CDK5: variants seen among roughly 807,000 people sequenced by gnomAD.
CDK5 encodes the protein cyclin-dependent kinase 5.
In CDK5, 18 loss-of-function variants were observed where a neutral mutation model predicts 44.6. The observed-to-expected ratio is 0.40, with a 90% confidence interval of 0.28 to 0.60. The LOEUF (loss-of-function observed/expected upper bound fraction) is 0.60. Ranked by LOEUF, CDK5 falls within the 20% of genes least tolerant of loss-of-function variation. CDK5 has a pLI of 0.38. For synonymous variants in CDK5, 143 were observed against 152.8 expected, an observed-to-expected ratio of 0.94 and a Z score of 0.47; for missense variants, 198 against 368.1, an observed-to-expected ratio of 0.54 and a Z score of 3.78.
rs190447046 is a variant in CDK5, at chr7:151,056,422, A to G, written c.312+158T>C. 1.5e-6 allele frequency: 1 copy of G among 648,612 alleles called. No individual in the cohort carries two copies. The highest frequency in any genetic ancestry group is 2.7e-6 in the Non-Finnish European group (1 of 365,666). 40.2% of individuals were successfully genotyped at this position (648,612 alleles called of 1,614,324 possible). On this transcript the variant is annotated intron_variant, in intron 5 of 11. Coordinates refer to ENST00000485972, the MANE Select transcript of CDK5 (RefSeq NM_004935.4). The surrounding 1 kb of genome is among the most constrained non-coding windows in gnomAD (Gnocchi z 4.7). ...GATGACCACGTGAAAATGCTCACTA[A>G]GACTGGAGACCCCTGGAGGACAGAA...
intron 5 of CDK5, 56 bp from the exon 6 acceptor site, chr7:151,055,904 G>A: frequency 1.6e-6 from 2 of 1,217,886 alleles, no homozygotes; most frequent in South Asian, 1.3e-5. Context: ...ACTGTGCCCA[G>A]CAACGGGTCG....
rs372279072 is a variant in CDK5 at position 151,055,384 on chromosome 7, C to A, written c.484-11G>T. 3.2e-6 allele frequency: 5 copies of A among 1,575,014 alleles called. No individual in the cohort carries two copies. The highest frequency in any genetic ancestry group is 1.4e-5 in the African/African-American group (1 of 72,076). ...CCACAGTGTGACCACCTGGAGGAGA[C>A]CCCCCCCGAAAGGGACCTCCCACTT... is the stretch of plus-strand genomic sequence containing the variant. On this transcript the variant is annotated splice_polypyrimidine_tract_variant and intron_variant, in intron 7 of 11. Transcript: ENST00000485972.
In CDK5 at chr7:151,054,328, G is replaced by T; in HGVS notation, c.712-36C>A. 1 of 1,612,500 alleles carries T rather than the reference G, an allele frequency of 6.2e-7. No individual in the cohort carries two copies. Among genetic ancestry groups the T allele is most frequent in the East Asian group, 2.2e-5 (1 of 44,844 alleles). On this transcript the variant is annotated intron_variant, in intron 10 of 11. Transcript: ENST00000485972. This position sits in a 1 kb window ranked among gnomAD's most constrained non-coding sequence, Gnocchi z 5.7. ...GCAGGGAGGGTCAGACTAGAGGTAG[G>T]GGGAGGGGGATGGAGGCGCTAGGAA... is the stretch of plus-strand genomic sequence containing the variant.
Position 151,054,678 on chromosome 7 carries a change from C to T in CDK5, c.651-213G>A, listed in dbSNP as rs1381661985. ...TTTCCCATGACAATCACCTAACCCA[C>T]ATGCTGCTGTCCTAGTCCTAATGAA... is the stretch of plus-strand genomic sequence containing the variant. On this transcript the variant is annotated intron_variant, in intron 9 of 11. Coordinates refer to ENST00000485972, the MANE Select transcript of CDK5 (RefSeq NM_004935.4). This position sits in a 1 kb window ranked among gnomAD's most constrained non-coding sequence, Gnocchi z 5.7. Among the ~76,000 whole-genome samples the T allele has an allele frequency of 2.0e-5, 3 of 152,204 alleles. No individual in the cohort carries two copies. The highest frequency in any genetic ancestry group is 2.9e-5 in the Non-Finnish European group (2 of 68,022).
In CDK5 at chr7:151,057,388, G is replaced by GGCTT. The variant is rs1796921871; in HGVS notation, c.38-229_38-228insAAGC. 5 of 603,330 alleles carry GGCTT rather than the reference G, an allele frequency of 8.3e-6. No individual in the cohort carries two copies. In the South Asian group the frequency reaches 9.7e-5, roughly 12 times the overall value. 37.4% of individuals were successfully genotyped at this position (603,330 alleles called of 1,614,324 possible). Reference sequence around the variant, plus strand: ...CAGGAGGGGCGAGTGCGGTTGCCAGGGCAAGGATGTCTAAAATGAAGGCGG... The same window carrying GGCTT: ...CAGGAGGGGCGAGTGCGGTTGCCAGGGCTTGCAAGGATGTCTAAAATGAAGGCGG... On this transcript the variant is annotated intron_variant, in intron 1 of 11. Coordinates refer to ENST00000485972, the MANE Select transcript of CDK5 (RefSeq NM_004935.4). The surrounding 1 kb of genome is among the most constrained non-coding windows in gnomAD (Gnocchi z 5.2).
chr7:151,054,323 G>A lies in CDK5; in HGVS notation c.712-31C>T, dbSNP rs1286906207. 1.9e-6 allele frequency: 3 copies of A among 1,612,812 alleles called. No individual in the cohort carries two copies. Among genetic ancestry groups the A allele is most frequent in the Admixed American group, 3.3e-5 (2 of 59,950 alleles). On this transcript the variant is annotated intron_variant, in intron 10 of 11. Transcript: ENST00000485972. The surrounding 1 kb of genome is among the most constrained non-coding windows in gnomAD (Gnocchi z 5.7). ...GAGAGGCAGGGAGGGTCAGACTAGA[G>A]GTAGGGGGAGGGGGATGGAGGCGCT...
In CDK5 at chr7:151,054,925, C is replaced by T. The variant is rs1401924393; in HGVS notation, c.650+102G>A. 2 of 1,171,446 alleles carry T rather than the reference C, an allele frequency of 1.7e-6. No homozygotes were observed. The highest frequency in any genetic ancestry group is 3.0e-5 in the African/African-American group (2 of 66,232). The allele number at this position is 1,171,446 out of a possible 1,614,324, so 72.6% of individuals were successfully genotyped here. A position where few individuals can be genotyped will look rare whatever the true frequency, so the allele number is the denominator to read the frequency against. ...GCCCTCAGGAGAAGCCCTACAGACC[C>T]CATCACCCTACCCCACACCATCACT... On this transcript the variant is annotated intron_variant, in intron 9 of 11. Coordinates refer to ENST00000485972, the MANE Select transcript of CDK5 (RefSeq NM_004935.4). This position sits in a 1 kb window ranked among gnomAD's most constrained non-coding sequence, Gnocchi z 5.7.
chr7:151,056,622 A>G lies in CDK5; in HGVS notation c.270T>C (p.Tyr90=), dbSNP rs1355247623. The change falls in exon 5 of 12, where the codon TAT becomes TAC. Residue 90 remains tyrosine, a synonymous_variant. Transcript: ENST00000485972. The surrounding 1 kb of genome is among the most constrained non-coding windows in gnomAD (Gnocchi z 4.7). ...CGAGGTCACCATTGCAACTGTCAAA[A>G]TACTTCTTCAGGTCCTGAAAAGGGA... ...FEFCDQDLKK[Y]FDSCNGDLDP... 10 of 1,612,248 alleles carry G rather than the reference A, an allele frequency of 6.2e-6. No individual in the cohort carries two copies. The highest frequency in any genetic ancestry group is 5.0e-5 in the Admixed American group (3 of 59,784).
rs1200889930 is a variant in CDK5, at chr7:151,055,478, G to A, written c.483+54C>T. Reference sequence around the variant, plus strand: ...AGGAAAATAATGTTTTGGGTCCTGGGGTTGGAGCTGAGGGACTCCCTCCCC... The same window carrying A: ...AGGAAAATAATGTTTTGGGTCCTGGAGTTGGAGCTGAGGGACTCCCTCCCC... On this transcript the variant is annotated intron_variant, in intron 7 of 11. Coordinates refer to ENST00000485972, the MANE Select transcript of CDK5 (RefSeq NM_004935.4). 3 of 1,575,990 alleles carry A rather than the reference G, an allele frequency of 1.9e-6. No homozygotes were observed. In the African/African-American group the frequency reaches 4.0e-5, roughly 21 times the overall value.
Position 151,054,509 on chromosome 7 carries a change from C to T in CDK5, c.651-44G>A. On this transcript the variant is annotated intron_variant, in intron 9 of 11. Transcript: ENST00000485972. This position sits in a 1 kb window ranked among gnomAD's most constrained non-coding sequence, Gnocchi z 5.7. ...ATCACTTGGGAAAGGGCCACAGCTG[C>T]ATCTTCAGGGGCAGGGTGAGGGCCT... 1 of 1,563,442 alleles carries T rather than the reference C, an allele frequency of 6.4e-7. No individual in the cohort carries two copies.
In CDK5 at chr7:151,055,052, C is replaced by A. The variant is rs1345202521; in HGVS notation, c.625G>T (p.Asp209Tyr). ...GRPLFPGNDV[D>Y]DQLKRIFRLL... ...CGGAAGATCCTCTTCAACTGGTCAT[C>A]GACATCATTGCCGGGAAAAAGAGGC... The change falls in exon 9 of 12, where the codon GAT (aspartate) becomes TAT (tyrosine). Residue 209 changes from aspartate to tyrosine, a missense_variant. By Grantham distance (160) the Asp-to-Tyr change is radical. Transcript: ENST00000485972. The A allele has an allele frequency of 6.2e-7, 1 of 1,613,694 alleles. No homozygotes were observed. Among genetic ancestry groups the A allele is most frequent in the Non-Finnish European group, 8.5e-7 (1 of 1,179,838 alleles).
At position 151,057,748 on chromosome 7, in the gene CDK5, G is replaced by T. The variant is rs1796929630; in HGVS notation, c.37+64C>A. 1.3e-6 allele frequency: 2 copies of T among 1,542,274 alleles called. No individual in the cohort carries two copies. The highest frequency in any genetic ancestry group is 1.8e-6 in the Non-Finnish European group (2 of 1,128,038). Reference sequence around the variant, plus strand: ...CATTGCTGACGGTAAGGGAGCCAGGGCTTCAAGGAATGCCGAAGGATCTGC... The same window carrying T: ...CATTGCTGACGGTAAGGGAGCCAGGTCTTCAAGGAATGCCGAAGGATCTGC... On this transcript the variant is annotated intron_variant, in intron 1 of 11. Transcript: ENST00000485972. This position sits in a 1 kb window ranked among gnomAD's most constrained non-coding sequence, Gnocchi z 5.2.
In CDK5 at chr7:151,054,619, AGCCCCAGGCAGGTCACTC is replaced by A. The variant is rs1384922619; in HGVS notation, c.651-172_651-155del. The stretch of plus-strand genomic sequence containing the variant: ...CCTCCGGCTTGAGCTTGACAGAAGC[AGCCCCAGGCAGGTCACTC>A]GCATATCCAGCCACGTTTCCCATGA... On this transcript the variant is annotated intron_variant, in intron 9 of 11. Coordinates refer to ENST00000485972, the MANE Select transcript of CDK5 (RefSeq NM_004935.4). The surrounding 1 kb of genome is among the most constrained non-coding windows in gnomAD (Gnocchi z 5.7). 6.6e-6 allele frequency among the ~76,000 whole-genome samples: 1 copy of A among 152,136 alleles called. No homozygotes were observed. Among genetic ancestry groups the A allele is most frequent in the African/African-American group, 2.4e-5 (1 of 41,402 alleles).
chr7:151,056,472 C>G lies in CDK5; in HGVS notation c.312+108G>C, dbSNP rs970294640. The G allele has an allele frequency of 5.3e-6, 5 of 941,426 alleles. No individual in the cohort carries two copies. The highest frequency in any genetic ancestry group is 8.4e-6 in the Non-Finnish European group (5 of 591,752). The allele number at this position is 941,426 out of a possible 1,614,324, so 58.3% of individuals were successfully genotyped here. On this transcript the variant is annotated intron_variant, in intron 5 of 11. Transcript: ENST00000485972. This position sits in a 1 kb window ranked among gnomAD's most constrained non-coding sequence, Gnocchi z 4.7. ...AACAGGGTTTTCTCATTCTCTAACA[C>G]CCTAGAGTGTCCCTGTTCAGGGCCC...
In CDK5 at chr7:151,055,375, TGGA is replaced by T. The variant is rs1333609548; in HGVS notation, c.484-5_484-3del. On this transcript the variant is annotated splice_region_variant and splice_polypyrimidine_tract_variant and intron_variant, in intron 7 of 11. Coordinates refer to ENST00000485972, the MANE Select transcript of CDK5 (RefSeq NM_004935.4). ...TGGGCGGTACCACAGTGTGACCACCTGGAGGAGACCCCCCCCGAAAGGGACCTC... is the reference window on the plus strand; with the variant it reads ...TGGGCGGTACCACAGTGTGACCACCTGGAGACCCCCCCCGAAAGGGACCTC... The T allele has an allele frequency of 6.2e-6, 10 of 1,610,954 alleles. No homozygotes were observed. Among genetic ancestry groups the T allele is most frequent in the Non-Finnish European group, 8.5e-6 (10 of 1,177,266 alleles).
intron 7 of CDK5, 36 bp downstream of exon 7, chr7:151,055,496 C>A (rs748856526): frequency 1.3e-6 from 2 of 1,590,416 alleles, no homozygotes; most frequent in African/African-American, 1.3e-5. Context: ...CTGAGGGACT[C>A]CCTCCCCCAA....
rs1248388826 is a variant in CDK5, at chr7:151,057,370, G to T, written c.38-210C>A. On this transcript the variant is annotated intron_variant, in intron 1 of 11. Coordinates refer to ENST00000485972, the MANE Select transcript of CDK5 (RefSeq NM_004935.4). This position sits in a 1 kb window ranked among gnomAD's most constrained non-coding sequence, Gnocchi z 5.2. ...GAGGCTCCAGGGGCTCGGCAGGAGGGGCGAGTGCGGTTGCCAGGGCAAGGA... is the reference window on the plus strand; with the variant it reads ...GAGGCTCCAGGGGCTCGGCAGGAGGTGCGAGTGCGGTTGCCAGGGCAAGGA... 1.6e-6 allele frequency: 1 copy of T among 612,556 alleles called. No homozygotes were observed. Among genetic ancestry groups the T allele is most frequent in the African/African-American group, 1.8e-5 (1 of 54,114 alleles). 37.9% of individuals were successfully genotyped at this position (612,556 alleles called of 1,614,324 possible).
rs1335549744 is a variant in CDK5, at chr7:151,054,885, C to T, written c.650+142G>A. On this transcript the variant is annotated intron_variant, in intron 9 of 11. Coordinates refer to ENST00000485972, the MANE Select transcript of CDK5 (RefSeq NM_004935.4). This position sits in a 1 kb window ranked among gnomAD's most constrained non-coding sequence, Gnocchi z 5.7. ...GTGACAATCAGGGTGTCCAGCACCCCTGCTCTCTCCCCTTGCCCTCAGGAG... is the reference window on the plus strand; with the variant it reads ...GTGACAATCAGGGTGTCCAGCACCCTTGCTCTCTCCCCTTGCCCTCAGGAG... The T allele has an allele frequency of 6.2e-6, 5 of 800,778 alleles. No homozygotes were observed. Among genetic ancestry groups the T allele is most frequent in the South Asian group, 6.2e-5 (4 of 64,132 alleles). The allele number at this position is 800,778 out of a possible 1,614,324, so 49.6% of individuals were successfully genotyped here.
rs1033419234 is a variant in CDK5, at chr7:151,054,573, C to T, written c.651-108G>A. ...GGAGGGATTCCTCATACCCACCGCC[C>T]ACTTCTCACCCTCCCTTTACCCTCC... On this transcript the variant is annotated intron_variant, in intron 9 of 11. Transcript: ENST00000485972. This position sits in a 1 kb window ranked among gnomAD's most constrained non-coding sequence, Gnocchi z 5.7. The T allele has an allele frequency of 1.2e-5, 12 of 1,039,534 alleles. No individual in the cohort carries two copies. In the African/African-American group the frequency reaches 1.3e-4, roughly 11 times the overall value. 64.4% of individuals were successfully genotyped at this position (1,039,534 alleles called of 1,614,324 possible). A position where few individuals can be genotyped will look rare whatever the true frequency, so the allele number is the denominator to read the frequency against.
Sources: allele counts gnomAD v4.1 joint callset (sites outside exome capture counted in the v4.1 genomes callset), GRCh38; gene constraint gnomAD v4.1.1; non-coding constraint Gnocchi (gnomAD v3.1); transcripts MANE v1.5; gene names NCBI Gene and HGNC (gene_info 2026-07-23, HGNC 2026-07-21).